CNTN5: variants seen among roughly 807,000 people sequenced by gnomAD.
The protein encoded by CNTN5 is contactin 5, also known as contactin-5.
A neutral mutation model predicts 129.1 loss-of-function variants in CNTN5; 77 were observed. The observed-to-expected ratio is 0.60, with a 90% CI of 0.50 to 0.72. The LOEUF is 0.72. Among genes scored for constraint, CNTN5 ranks in the 30% least tolerant of loss-of-function variants. The pLI, the probability that CNTN5 is intolerant of heterozygous loss-of-function variation, is 0.00. For synonymous variants in CNTN5, 509 were observed against 465.6 expected (o/e 1.09, Z -1.20); for missense variants, 1,478 against 1,328.8 (o/e 1.11, Z -1.75).
At chr11:99,058,174 A>G (rs1309412671) in intron 1 of CNTN5, among the ~76,000 whole-genome samples, 1 of 152,020 alleles carries the variant, frequency 6.6e-6, no homozygotes, top group Non-Finnish European at 1.5e-5. Flanking sequence ...AGCCCTGAAG[A>G]GTTTTGAGCA....
chr11:99,619,920 G>T (rs1950880730), intron 3 of CNTN5, among the ~76,000 whole-genome samples: 1 of 151,284 alleles, frequency 6.6e-6, no homozygotes, highest in Admixed American at 6.6e-5. Context: ...CAGCTACTCG[G>T]AAGGCTGAGG....
chr11:99,649,494 CA>C (rs1181183271), intron 3 of CNTN5, among the ~76,000 whole-genome samples: 2 of 151,678 alleles, frequency 1.3e-5, no homozygotes, highest in Non-Finnish European at 3.0e-5. Context: ...TTTACTGACA[CA>C]AATGGGCACA....
intron 13 of CNTN5, among the ~76,000 whole-genome samples, chr11:100,092,963 C>A (rs530369310): frequency 6.6e-6 from 1 of 152,138 alleles, no homozygotes; most frequent in Non-Finnish European, 1.5e-5. Context: ...CCCTACTCGC[C>A]CTGGTTTTGG....
At chr11:99,137,085 C>A (rs1483038632) in intron 1 of CNTN5, among the ~76,000 whole-genome samples, 1 of 152,084 alleles carries the variant, frequency 6.6e-6, no homozygotes, top group African/African-American at 2.4e-5. Context: ...GCTATATAAC[C>A]ATTGTATAGA....
intron 3 of CNTN5, among the ~76,000 whole-genome samples, chr11:99,658,535 T>C (rs1310471934): frequency 1.3e-5 from 2 of 152,046 alleles, no homozygotes; most frequent in South Asian, 4.1e-4. Flanking sequence ...ATTTAACAAT[T>C]AGGAATTTAG....
chr11:99,580,727 CT>C (rs1361895687), intron 3 of CNTN5, among the ~76,000 whole-genome samples: 4 of 149,538 alleles, frequency 2.7e-5, no homozygotes, highest in African/African-American at 9.9e-5. Context: ...CTCTTTTCTT[CT>C]TTATTAGTCT....
rs973149241 is a variant in CNTN5 at position 99,450,278 on chromosome 11, A to G, written c.-70-105867A>G. On this transcript the variant is annotated intron_variant, in intron 2 of 24. Transcript: ENST00000524871. ...TAGAAATATATATATATATATATAT[A>G]TATATATGTTTGTGTATGTATGTAT... Among the ~76,000 whole-genome samples the G allele has an allele frequency of 3.4e-3, 413 of 120,646 alleles. 1 individual carries two copies. The highest frequency in any genetic ancestry group is 6.6e-3 in the Admixed American group (82 of 12,384). 79.1% of individuals were successfully genotyped at this position (120,646 alleles called of 152,430 possible).
intron 3 of CNTN5, among the ~76,000 whole-genome samples, chr11:99,695,467 G>C (rs929769465): frequency 6.6e-6 from 1 of 152,114 alleles, no homozygotes; most frequent in Non-Finnish European, 1.5e-5. Context: ...AGATTATTCA[G>C]CTTTAGCATA....
chr11:100,294,954 T>A (rs1951071864), intron 18 of CNTN5, among the ~76,000 whole-genome samples: 1 of 151,660 alleles, frequency 6.6e-6, no homozygotes, highest in South Asian at 2.1e-4. Flanking sequence ...TTAAGCCAAT[T>A]GGAATTAGAG....
At chr11:99,490,889 G>A (rs920749355) in intron 2 of CNTN5, among the ~76,000 whole-genome samples, 3 of 152,086 alleles carry the variant, frequency 2.0e-5, no homozygotes, top group African/African-American at 7.2e-5. Flanking sequence ...GGAGCTGCAG[G>A]CATGAGGCAC....
At chr11:99,867,318 ATGCTGGATT>A (rs1476589152) in intron 6 of CNTN5, among the ~76,000 whole-genome samples, 1 of 152,230 alleles carries the variant, frequency 6.6e-6, no homozygotes, top group Non-Finnish European at 1.5e-5. Context: ...CGCCAGTACC[ATGCTGGATT>A]CTATCATAAG....
chr11:99,657,078 AAG>A (rs982035991), intron 3 of CNTN5, among the ~76,000 whole-genome samples: 3 of 151,762 alleles, frequency 2.0e-5, no homozygotes, highest in East Asian at 1.9e-4. Flanking sequence ...AAAAAAAAAA[AAG>A]AGAAAAAAAA....
chr11:99,695,716 A>C (rs1954239057), intron 3 of CNTN5, among the ~76,000 whole-genome samples: 2 of 151,964 alleles, frequency 1.3e-5, no homozygotes, highest in African/African-American at 4.8e-5. Flanking sequence ...ATCTCTACAA[A>C]ATAAATAAAC....
In CNTN5 at chr11:99,637,042, G is replaced by T. The variant is rs1378457268; in HGVS notation, c.55+80773G>T. Among the ~76,000 whole-genome samples, 11 of 78,736 alleles carry T rather than the reference G, an allele frequency of 1.4e-4. No individual in the cohort carries two copies. The South Asian group carries it at 1.6e-3, about 11-fold the overall frequency. The allele number at this position is 78,736 out of a possible 152,430, so 51.7% of individuals were successfully genotyped here. A position where few individuals can be genotyped will look rare whatever the true frequency, so the allele number is the denominator to read the frequency against. On this transcript the variant is annotated intron_variant, in intron 3 of 24. Coordinates refer to ENST00000524871, the MANE Select transcript of CNTN5 (RefSeq NM_014361.4). ...AAAAAAAAAAAAAAAAAAAAAAAAA[G>T]TAAATGACTCTGTATTGCAGAATAG...
At chr11:99,789,422 T>A (rs1236661810) in intron 3 of CNTN5, among the ~76,000 whole-genome samples, 2 of 151,936 alleles carry the variant, frequency 1.3e-5, no homozygotes, top group African/African-American at 2.4e-5. Flanking sequence ...AGAAATTAAG[T>A]CTTTGGAGAT....
At chr11:99,060,534 T>C (rs1295182200) in intron 1 of CNTN5, among the ~76,000 whole-genome samples, 1 of 152,024 alleles carries the variant, frequency 6.6e-6, no homozygotes, top group Non-Finnish European at 1.5e-5. Flanking sequence ...TCATTTGTAC[T>C]AAGATGATGT....
intron 3 of CNTN5, among the ~76,000 whole-genome samples, chr11:99,813,836 T>G (rs1199219569): frequency 2.0e-5 from 3 of 152,094 alleles, no homozygotes. Flanking sequence ...CAAAAAATGG[T>G]CCTTAAACTT....
chr11:99,361,187 C>A (rs2136108325), intron 2 of CNTN5, among the ~76,000 whole-genome samples: 1 of 152,288 alleles, frequency 6.6e-6, no homozygotes, highest in African/African-American at 2.4e-5. Context: ...CTTAGAAAAG[C>A]TTTAAGAAGA....
rs1862858913 is a variant in CNTN5 at position 99,021,252 on chromosome 11, G to C, written c.-228G>C. ...TTGAGAGTCACAGAGGAAGGACAGT[G>C]GAGTCTGGCATCTTATTGGTAAGTG... On this transcript the variant is annotated 5_prime_UTR_variant, in exon 1 of 25. Coordinates refer to ENST00000524871, the MANE Select transcript of CNTN5 (RefSeq NM_014361.4). The C allele has an allele frequency of 6.6e-6, 1 of 152,344 alleles. No homozygotes were observed. Among genetic ancestry groups the C allele is most frequent in the Non-Finnish European group, 1.5e-5 (1 of 68,166 alleles). The allele number at this position is 152,344 out of a possible 1,614,324, so 9.4% of individuals were successfully genotyped here. A position where few individuals can be genotyped will look rare whatever the true frequency, so the allele number is the denominator to read the frequency against.
Sources: gnomAD v4.1 joint callset for allele counts (sites outside exome capture counted in the v4.1 genomes callset) on GRCh38, gnomAD v4.1.1 for gene constraint, MANE v1.5 for transcripts, NCBI Gene and HGNC (gene_info 2026-07-23, HGNC 2026-07-21) for gene names.